STK32B: variants seen among roughly 807,000 people sequenced by gnomAD.
The protein encoded by STK32B is serine/threonine kinase 32B, also known as serine/threonine-protein kinase 32B.
Under a neutral mutation model 52.6 loss-of-function variants are expected in STK32B, and 43 were observed. The observed-to-expected ratio is 0.82, with a 90% CI of 0.64 to 1.05. The LOEUF (loss-of-function observed/expected upper bound fraction) is 1.05, where lower values mean the gene tolerates loss of function less well. Among genes scored for constraint, STK32B ranks in the 50% least tolerant of loss-of-function variants. The pLI is 0.00. For synonymous variants in STK32B, 238 were observed against 204.3 expected, an observed-to-expected ratio of 1.17 and a Z score of -1.41; for missense variants, 621 against 534.6, an observed-to-expected ratio of 1.16 and a Z score of -1.59.
intron 6 of STK32B, among the ~76,000 whole-genome samples, chr4:5,418,408 A>G (rs1712337832): frequency 6.6e-6 from 1 of 152,280 alleles, no homozygotes; most frequent in African/African-American, 2.4e-5. Context: ...TGCAAATGAT[A>G]TAAGAAATAC....
intron 1 of STK32B, among the ~76,000 whole-genome samples, chr4:5,093,603 C>G (rs562775188): frequency 5.9e-5 from 9 of 152,020 alleles, no homozygotes; most frequent in Non-Finnish European, 1.2e-4. Flanking sequence ...AGGAGATATA[C>G]CTAATGTTAA....
At chr4:5,035,501 G>C in the STK32B span, among the ~76,000 whole-genome samples, 1 of 152,180 alleles carries the variant, frequency 6.6e-6, no homozygotes, top group Non-Finnish European at 1.5e-5. Context: ...TTTGGGTGAA[G>C]ACCCCCACCC....
In STK32B at chr4:5,380,572, C is replaced by T. The variant is rs1735877228; in HGVS notation, c.435-17635C>T. Among the ~76,000 whole-genome samples the T allele has an allele frequency of 6.6e-6, 1 of 152,196 alleles. No individual in the cohort carries two copies. Among genetic ancestry groups the T allele is most frequent in the Non-Finnish European group, 1.5e-5 (1 of 68,042 alleles). ...TGCAAAGCAGGAAGTGCAAGTCCCA[C>T]CCCATAGGAGCAGCTGGGACTGAGT... On this transcript the variant is annotated intron_variant, in intron 4 of 11. Coordinates refer to ENST00000282908, the MANE Select transcript of STK32B (RefSeq NM_018401.3). The surrounding 1 kb of genome is among the most constrained non-coding windows in gnomAD (Gnocchi z 4.3).
rs1338922986 is a variant in STK32B at position 5,168,312 on chromosome 4, A to G, written c.122A>G (p.Gln41Arg). 15 of 1,613,862 alleles carry G rather than the reference A, an allele frequency of 9.3e-6. No homozygotes were observed. Among genetic ancestry groups the G allele is most frequent in the South Asian group, 6.6e-5 (6 of 91,034 alleles). The change falls in exon 3 of 12, where the codon CAG becomes CGG. Residue 41 changes from glutamine to arginine, a missense_variant. By Grantham distance (43) the Gln-to-Arg change is conservative. Transcript: ENST00000282908. ...GCTGTCGCTCAGGTATGCATCGTGC[A>G]GAAGCGAGACACTAAGAAAATGTAT... Reference protein sequence around the residue: ...KGSFGKVCIVQKRDTKKMYAM... With the variant: ...KGSFGKVCIVRKRDTKKMYAM...
rs1732404783 is a variant in STK32B, at chr4:5,333,343, ATTTG to A, written c.434+1955_434+1958del. Among the ~76,000 whole-genome samples, 3 of 152,030 alleles carry A rather than the reference ATTTG, an allele frequency of 2.0e-5. No homozygotes were observed. In the South Asian group the frequency reaches 6.2e-4, roughly 32 times the overall value. On this transcript the variant is annotated intron_variant, in intron 4 of 11. Coordinates refer to ENST00000282908, the MANE Select transcript of STK32B (RefSeq NM_018401.3). ...TGATGGGGTTGTTTTTTTCTTGTAA[ATTTG>A]TTTGAGTTCATTGTAGATTCTGGAT... is the stretch of plus-strand genomic sequence containing the variant.
intron 1 of STK32B, among the ~76,000 whole-genome samples, chr4:5,121,376 C>T (rs1715015357): frequency 6.6e-6 from 1 of 152,108 alleles, no homozygotes; most frequent in Non-Finnish European, 1.5e-5. Flanking sequence ...AAGCACTTTA[C>T]ATGTATTAAA....
the STK32B span, among the ~76,000 whole-genome samples, chr4:5,020,275 G>A: frequency 2.0e-5 from 3 of 152,194 alleles, no homozygotes; most frequent in African/African-American, 7.2e-5. Context: ...CAGGGTCACC[G>A]CCTTCTGGCT....
intron 6 of STK32B, among the ~76,000 whole-genome samples, chr4:5,436,911 T>C (rs1714134617): frequency 6.6e-6 from 1 of 152,210 alleles, no homozygotes; most frequent in Non-Finnish European, 1.5e-5. Flanking sequence ...CTCGAGATGC[T>C]GTGAGCTGTT....
chr4:5,111,586 G>T (rs1453377615), intron 1 of STK32B, among the ~76,000 whole-genome samples: 1 of 152,066 alleles, frequency 6.6e-6, no homozygotes, highest in Admixed American at 6.6e-5. Context: ...ACATAAAGAT[G>T]GAGAGAATAG....
chr4:5,432,474 G>C (rs1713677065), intron 6 of STK32B: 1 of 152,220 alleles, frequency 6.6e-6, no homozygotes. Flanking sequence ...GAGAGGGTAA[G>C]ATGGGAAACA....
rs74477704 is a variant in STK32B, at chr4:5,342,683, C to T, written c.434+11290C>T. On this transcript the variant is annotated intron_variant, in intron 4 of 11. Transcript: ENST00000282908. ...ATTACATATCAACATGGGATTTGGG[C>T]AGGGATGCACATCCAAACTATATCA... Among the ~76,000 whole-genome samples, 385 of 152,282 alleles carry T rather than the reference C, an allele frequency of 2.5e-3. 1 individual carries two copies. The highest frequency in any genetic ancestry group is 8.7e-3 in the African/African-American group (363 of 41,564).
chr4:5,292,326 A>G (rs1302237196), intron 3 of STK32B, among the ~76,000 whole-genome samples: 1 of 152,090 alleles, frequency 6.6e-6, no homozygotes, highest in Non-Finnish European at 1.5e-5. Context: ...GACTTTTTAT[A>G]ATAGCCATTC....
At chr4:5,417,877 G>C (rs928946663) in intron 6 of STK32B, among the ~76,000 whole-genome samples, 1 of 152,242 alleles carries the variant, frequency 6.6e-6, no homozygotes, top group African/African-American at 2.4e-5. Context: ...TGGTAGGTCA[G>C]CTGGGAGCTA....
chr4:5,081,704 C>T (rs1712440328), intron 1 of STK32B, among the ~76,000 whole-genome samples: 1 of 151,918 alleles, frequency 6.6e-6, no homozygotes, highest in Admixed American at 6.6e-5. Context: ...TCATCATATT[C>T]TTCAGTTTCA....
At chr4:5,290,885 C>T (rs1051460995) in intron 3 of STK32B, among the ~76,000 whole-genome samples, 6 of 152,070 alleles carry the variant, frequency 3.9e-5, no homozygotes, top group African/African-American at 1.2e-4. Context: ...GCCAATATTG[C>T]AAGCTGATAG....
chr4:5,320,462 T>C (rs1577344489), intron 3 of STK32B, among the ~76,000 whole-genome samples: 1 of 152,196 alleles, frequency 6.6e-6, no homozygotes, highest in African/African-American at 2.4e-5. Flanking sequence ...CCTGTGTGTA[T>C]CTATCAGTAC....
At chr4:5,387,870 G>A (rs1177089957) in intron 4 of STK32B, among the ~76,000 whole-genome samples, 1 of 152,060 alleles carries the variant, frequency 6.6e-6, no homozygotes, top group East Asian at 1.9e-4. Context: ...TCAGCCTCCC[G>A]AGTAGCCAGG....
intron 1 of STK32B, among the ~76,000 whole-genome samples, chr4:5,131,489 C>T: frequency 6.6e-6 from 1 of 152,182 alleles, no homozygotes; most frequent in Non-Finnish European, 1.5e-5. Context: ...ACTTTCTCAT[C>T]ATGTTTGAAA....
At chr4:5,422,224 G>C (rs925039722) in intron 6 of STK32B, among the ~76,000 whole-genome samples, 1 of 152,192 alleles carries the variant, frequency 6.6e-6, no homozygotes, top group Non-Finnish European at 1.5e-5. Flanking sequence ...CCAGGCAGTG[G>C]GAGTTTAGTG....
Sources: allele counts gnomAD v4.1 joint callset (sites outside exome capture counted in the v4.1 genomes callset), GRCh38; gene constraint gnomAD v4.1.1; non-coding constraint Gnocchi (gnomAD v3.1); transcripts MANE v1.5; gene names NCBI Gene and HGNC (gene_info 2026-07-23, HGNC 2026-07-21).